APPL1: variants seen among roughly 807,000 people sequenced by gnomAD.
The protein encoded by APPL1 is DCC-interacting protein 13-alpha.
In APPL1, 42 loss-of-function variants were observed where a neutral mutation model predicts 106.8. The ratio of observed to expected loss-of-function variants is 0.39; its 90% CI spans 0.31 to 0.51. The LOEUF (loss-of-function observed/expected upper bound fraction) is 0.51, where lower values mean the gene tolerates loss of function less well. Among genes scored for constraint, APPL1 ranks in the 20% least tolerant of loss-of-function variants. APPL1 has a pLI of 0.75. For synonymous variants in APPL1, 263 were observed against 281.8 expected, an observed-to-expected ratio of 0.93 and a Z score of 0.67; for missense variants, 769 against 858.2, an observed-to-expected ratio of 0.90 and a Z score of 1.30.
intron 18 of APPL1, 25 bp downstream of exon 18, chr3:57,260,178 T>C: frequency 6.3e-7 from 1 of 1,596,610 alleles, no homozygotes; most frequent in Non-Finnish European, 8.5e-7. Flanking sequence ...ATTTAAGCTT[T>C]GTTTTAGGTC....
chr3:57,268,165 T>C, intron 20 of APPL1: 1 of 495,802 alleles, frequency 2.0e-6, no homozygotes, highest in South Asian at 3.1e-5. Flanking sequence ...AGCTCTTTCA[T>C]ATTAGCAAGT....
rs116528518 is a variant in APPL1, at chr3:57,229,433, C to T, written c.54+1496C>T. Among the ~76,000 whole-genome samples the T allele has an allele frequency of 6.1e-3, 926 of 151,150 alleles. 9 individuals are homozygous for T. The highest frequency in any genetic ancestry group is 0.022 in the African/African-American group (899 of 41,172). On this transcript the variant is annotated intron_variant, in intron 1 of 21. Coordinates refer to ENST00000288266, the MANE Select transcript of APPL1 (RefSeq NM_012096.3). The stretch of plus-strand genomic sequence containing the variant: ...GATAAACTCTTGACTCATCTAATGT[C>T]TTGAGGTTTTTGCCAGATTAGTTTA...
In APPL1 at chr3:57,267,790, C is replaced by T; in HGVS notation, c.1891C>T (p.Leu631=). The part of the protein sequence containing the change: ...LAKQIALHAE[L]DRRASEKQKE... ...AAAACAGATAGCTTTGCATGCTGAA[C>T]TGGTAAGAATCCAAGATGTGGCTGG... Residue 631 remains leucine (L), a splice_region_variant and synonymous_variant, in exon 20 of 22, where the codon CTG becomes TTG. Transcript: ENST00000288266. 2.5e-6 allele frequency: 4 copies of T among 1,613,496 alleles called. No homozygotes were observed. Among genetic ancestry groups the T allele is most frequent in the Non-Finnish European group, 2.5e-6 (3 of 1,179,958 alleles).
At chr3:57,266,532 A>G (rs888237165) in intron 19 of APPL1, among the ~76,000 whole-genome samples, 2 of 152,162 alleles carry the variant, frequency 1.3e-5, no homozygotes, top group Admixed American at 6.5e-5. Context: ...TGCAGTATCA[A>G]TTGTAATGTC....
rs1287484246 is a variant in APPL1 at position 57,270,286 on chromosome 3, TTTCTC to T, written c.*601_*605del. ...AGGGTACTTTCTGGGATTGCTCACA[TTTCTC>T]TAATGTACTGCACTTGATGCCAGTA... is the stretch of plus-strand genomic sequence containing the variant. On this transcript the variant is annotated 3_prime_UTR_variant, in exon 22 of 22. Transcript: ENST00000288266. The T allele has an allele frequency of 3.3e-5, 5 of 152,706 alleles. No homozygotes were observed. The highest frequency in any genetic ancestry group is 1.2e-4 in the African/African-American group (5 of 41,468). The allele number at this position is 152,706 out of a possible 1,614,324, so 9.5% of individuals were successfully genotyped here.
Position 57,228,965 on chromosome 3 carries a change from G to C in APPL1, c.54+1028G>C, listed in dbSNP as rs892883199. Among the ~76,000 whole-genome samples, 1 of 152,222 alleles carries C rather than the reference G, an allele frequency of 6.6e-6. No individual in the cohort carries two copies. The highest frequency in any genetic ancestry group is 2.4e-5 in the African/African-American group (1 of 41,468). On this transcript the variant is annotated intron_variant, in intron 1 of 21. Coordinates refer to ENST00000288266, the MANE Select transcript of APPL1 (RefSeq NM_012096.3). This position sits in a 1 kb window ranked among gnomAD's most constrained non-coding sequence, Gnocchi z 4.6. The stretch of plus-strand genomic sequence containing the variant: ...AAGAGGTCTAGATCTCCTTTTCCTG[G>C]ATGGCACTTCTGCCATGGATTTTGT...
intron 19 of APPL1, among the ~76,000 whole-genome samples, chr3:57,264,801 C>CTTTTTTTTTTTTTTTTTTTTTTTTTTTTT (rs201592600): frequency 8.8e-6 from 1 of 114,258 alleles, no homozygotes; most frequent in African/African-American, 3.2e-5. Context: ...GTCTATGTGT[C>CTTTTTTTTTTTTTTTTTTTTTTTTTTTTT]TTTTTTTTTT....
intron 11 of APPL1, among the ~76,000 whole-genome samples, chr3:57,250,798 TTC>T (rs2060799347): frequency 7.2e-6 from 1 of 138,152 alleles, no homozygotes. Context: ...CCTTTGAACT[TTC>T]TTTCTTTTTT....
At chr3:57,243,965 A>C (rs115128112) in intron 7 of APPL1, among the ~76,000 whole-genome samples, 45 of 152,262 alleles carry the variant, frequency 3.0e-4, no homozygotes, top group African/African-American at 1.1e-3. Flanking sequence ...CAAAGACTGG[A>C]TACTCCACAT....
intron 12 of APPL1, among the ~76,000 whole-genome samples, chr3:57,252,910 C>T (rs1416248244): frequency 1.3e-5 from 2 of 152,182 alleles, no homozygotes; most frequent in East Asian, 3.9e-4. Flanking sequence ...TGATTTTTAG[C>T]CTTTTAATTT....
chr3:57,248,556 A>C (rs1018035460), intron 10 of APPL1, among the ~76,000 whole-genome samples: 2 of 152,206 alleles, frequency 1.3e-5, no homozygotes, highest in East Asian at 3.8e-4. Flanking sequence ...TATTTATTGA[A>C]TAATGTAGAA....
At chr3:57,255,651 A>C (rs1301946272) in intron 13 of APPL1, among the ~76,000 whole-genome samples, 3 of 152,222 alleles carry the variant, frequency 2.0e-5, no homozygotes, top group Non-Finnish European at 2.9e-5. Context: ...CATATTTATT[A>C]CAATTATGTC....
At chr3:57,236,274 C>T (rs915453570) in intron 2 of APPL1, among the ~76,000 whole-genome samples, 1 of 151,312 alleles carries the variant, frequency 6.6e-6, no homozygotes, top group Non-Finnish European at 1.5e-5. Context: ...GAACTCCCGA[C>T]CTCAGGTGAT....
At position 57,235,621 on chromosome 3, in the gene APPL1, T is replaced by C; in HGVS notation, c.110T>C (p.Met37Thr). 1 of 1,613,654 alleles carries C rather than the reference T, an allele frequency of 6.2e-7. No individual in the cohort carries two copies. The highest frequency in any genetic ancestry group is 8.5e-7 in the Non-Finnish European group (1 of 1,179,698). ...EEDATAISNY[M>T]NQLYQAMHRI... ...GATGCCACAGCTATTTCCAACTATA[T>C]GAACCAGTTGTATCAAGCTATGCAT... The change falls in exon 2 of 22, where the codon ATG becomes ACG. Residue 37 changes from methionine (M) to threonine (T), a missense_variant. Met to Thr is a moderately conservative substitution (Grantham distance 81). Coordinates refer to ENST00000288266, the MANE Select transcript of APPL1 (RefSeq NM_012096.3).
In APPL1 at chr3:57,271,580, A is replaced by C. The variant is rs987906521; in HGVS notation, c.*1893A>C. On this transcript the variant is annotated 3_prime_UTR_variant, in exon 22 of 22. Transcript: ENST00000288266. Reference sequence around the variant, plus strand: ...TGTTTATACTACAAATTGTCACCTCACTTAGTTCAGATGAAATCTGTTACT... The same window carrying C: ...TGTTTATACTACAAATTGTCACCTCCCTTAGTTCAGATGAAATCTGTTACT... The C allele has an allele frequency of 1.3e-5, 2 of 152,134 alleles. No homozygotes were observed. The highest frequency in any genetic ancestry group is 4.8e-5 in the African/African-American group (2 of 41,414). 9.4% of individuals were successfully genotyped at this position (152,134 alleles called of 1,614,324 possible).
At chr3:57,262,235 A>G (rs116334982) in intron 19 of APPL1, among the ~76,000 whole-genome samples, 3 of 152,034 alleles carry the variant, frequency 2.0e-5, no homozygotes, top group Non-Finnish European at 4.4e-5. Flanking sequence ...TTCTTTGGCT[A>G]TGCAGACACT....
In APPL1 at chr3:57,252,254, TC is replaced by T; in HGVS notation, c.1053-14del. 1 of 1,604,918 alleles carries T rather than the reference TC, an allele frequency of 6.2e-7. No homozygotes were observed. Among genetic ancestry groups the T allele is most frequent in the Admixed American group, 1.7e-5 (1 of 58,094 alleles). Reference sequence around the variant, plus strand: ...TTTTTAAACAGTTGAGGCTCAAACGTCTCTTCTCTTCCAGATCTTCAATTTT... The same window carrying T: ...TTTTTAAACAGTTGAGGCTCAAACGTTCTTCTCTTCCAGATCTTCAATTTT... On this transcript the variant is annotated splice_polypyrimidine_tract_variant and intron_variant, in intron 11 of 21. Coordinates refer to ENST00000288266, the MANE Select transcript of APPL1 (RefSeq NM_012096.3).
In APPL1 at chr3:57,240,496, A is replaced by G. The variant is rs1204196998; in HGVS notation, c.317A>G (p.Gln106Arg). 5.0e-6 allele frequency: 8 copies of G among 1,613,884 alleles called. No homozygotes were observed. The highest frequency in any genetic ancestry group is 6.8e-6 in the Non-Finnish European group (8 of 1,179,880). ...TCTTGTCATGCAGTGCTTTCAACTC[A>G]ACTTGCTGATGCCATGATGTTCCCC... ...LSSCHAVLST[Q>R]LADAMMFPIT... Residue 106 changes from glutamine to arginine, a missense_variant, in exon 5 of 22, where the codon CAA (glutamine) becomes CGA (arginine). Coordinates refer to ENST00000288266, the MANE Select transcript of APPL1 (RefSeq NM_012096.3).
At chr3:57,250,947 A>G (rs1417993925) in intron 11 of APPL1, among the ~76,000 whole-genome samples, 3 of 149,078 alleles carry the variant, frequency 2.0e-5, no homozygotes, top group Non-Finnish European at 4.5e-5. Context: ...AGCTGGGACT[A>G]CAGGCGCCTG....
Sources: allele counts gnomAD v4.1 joint callset (sites outside exome capture counted in the v4.1 genomes callset), GRCh38; gene constraint gnomAD v4.1.1; non-coding constraint Gnocchi (gnomAD v3.1); transcripts MANE v1.5; gene names NCBI Gene and HGNC (gene_info 2026-07-23, HGNC 2026-07-21).